Variants in TMPRSS11B observed in about 807,000 individuals in gnomAD.
The protein encoded by TMPRSS11B is transmembrane protease serine 11B.
Under a neutral mutation model 44.7 loss-of-function variants are expected in TMPRSS11B, and 53 were observed. The observed-to-expected ratio is 1.19, with a 90% CI of 0.95 to 1.49. The LOEUF is 1.49. Among genes scored for constraint, TMPRSS11B ranks in the 40% most tolerant of loss-of-function variants. The probability of loss-of-function intolerance (pLI) is 0.00; values close to 1 mark genes in which losing one functional copy is unlikely to be tolerated. For missense variants in TMPRSS11B, 526 were observed against 494.8 expected, an observed-to-expected ratio of 1.06 and a Z score of -0.60; for synonymous variants, 140 against 159.2, an observed-to-expected ratio of 0.88 and a Z score of 0.91.
At chr4:68,242,095 G>A (rs1281744928) in intron 1 of TMPRSS11B, among the ~76,000 whole-genome samples, 2 of 144,652 alleles carry the variant, frequency 1.4e-5, no homozygotes, top group Admixed American at 7.5e-5. Context: ...AAAAATTGAA[G>A]CAGGTTACAA....
chr4:68,242,769 G>A (rs1345555635), intron 1 of TMPRSS11B, among the ~76,000 whole-genome samples: 1 of 151,816 alleles, frequency 6.6e-6, no homozygotes, highest in Non-Finnish European at 1.5e-5. Flanking sequence ...GTCTCACCAT[G>A]TTGCCCAGGC....
chr4:68,231,415 T>C (rs761705322), intron 6 of TMPRSS11B, 35 bp from the exon 7 acceptor site: 39 of 1,518,298 alleles, frequency 2.6e-5, no homozygotes, highest in African/African-American at 1.6e-5. Context: ...AGAGCAGGTA[T>C]CTTTGATTAC....
At chr4:68,239,254 GCT>G (rs926030805) in intron 2 of TMPRSS11B, among the ~76,000 whole-genome samples, 4 of 150,026 alleles carry the variant, frequency 2.7e-5, no homozygotes, top group African/African-American at 7.3e-5. Context: ...TCTCTTGCGC[GCT>G]CTCTCTCGCG....
At chr4:68,234,068 G>A (rs1029595045) in intron 5 of TMPRSS11B, among the ~76,000 whole-genome samples, 1 of 151,884 alleles carries the variant, frequency 6.6e-6, no homozygotes, top group African/African-American at 2.4e-5. Flanking sequence ...GGCTGAGGCA[G>A]GAGAACTGCT....
chr4:68,234,340 G>A, intron 5 of TMPRSS11B, 123 bp downstream of exon 5: 5 of 928,148 alleles, frequency 5.4e-6, no homozygotes, highest in Non-Finnish European at 7.9e-6. Context: ...AGGGGTGCCA[G>A]AGTTAGGTAC....
At chr4:68,239,318 A>G (rs369044157) in intron 2 of TMPRSS11B, among the ~76,000 whole-genome samples, 1 of 151,966 alleles carries the variant, frequency 6.6e-6, no homozygotes, top group African/African-American at 2.4e-5. Flanking sequence ...TCTCTTTCTC[A>G]CTCACTCACT....
chr4:68,242,565 T>C (rs546131673), intron 1 of TMPRSS11B, among the ~76,000 whole-genome samples: 14 of 147,488 alleles, frequency 9.5e-5, no homozygotes, highest in South Asian at 8.4e-4. Flanking sequence ...TTAATTTTCT[T>C]TCTTTCTTTC....
rs1407080858 is a variant in TMPRSS11B at position 68,227,453 on chromosome 4, C to G, written c.*458G>C. The G allele has an allele frequency of 7.4e-6, 1 of 134,668 alleles. No individual in the cohort carries two copies. Among genetic ancestry groups the G allele is most frequent in the Non-Finnish European group, 1.5e-5 (1 of 65,690 alleles). The allele number at this position is 134,668 out of a possible 1,614,324, so 8.3% of individuals were successfully genotyped here. ...ACAGGGTCTCACTCTGTTGCCCAGG[C>G]TGGAGTGCAGTGGTGGCGCAATCAC... On this transcript the variant is annotated 3_prime_UTR_variant, in exon 10 of 10. Transcript: ENST00000332644.
intron 4 of TMPRSS11B, 45 bp downstream of exon 4, chr4:68,235,957 T>G (rs1195554322): frequency 8.4e-7 from 1 of 1,184,374 alleles, no homozygotes; most frequent in South Asian, 1.6e-5. Context: ...GTATGATATA[T>G]CACCTACTTT....
At chr4:68,242,797 G>A (rs1271880639) in intron 1 of TMPRSS11B, among the ~76,000 whole-genome samples, 3 of 151,968 alleles carry the variant, frequency 2.0e-5, no homozygotes, top group Non-Finnish European at 4.4e-5. Flanking sequence ...AAACTCCTGA[G>A]CTCAAGCGAT....
chr4:68,241,323 T>G (rs1719815672), intron 2 of TMPRSS11B, among the ~76,000 whole-genome samples: 1 of 152,096 alleles, frequency 6.6e-6, no homozygotes, highest in Non-Finnish European at 1.5e-5. Context: ...CATCATATCT[T>G]AATAACCAAT....
At chr4:68,237,783 A>C (rs1244980001) in intron 2 of TMPRSS11B, among the ~76,000 whole-genome samples, 2 of 152,206 alleles carry the variant, frequency 1.3e-5, no homozygotes, top group African/African-American at 4.8e-5. Context: ...TTTGAAGTCA[A>C]GTTGGGAGGA....
In TMPRSS11B at chr4:68,231,344, C is replaced by A; in HGVS notation, c.545G>T (p.Gly182Val). 4 of 1,613,860 alleles carry A rather than the reference C, an allele frequency of 2.5e-6. No individual in the cohort carries two copies. The highest frequency in any genetic ancestry group is 3.4e-6 in the Non-Finnish European group (4 of 1,179,862). Reference protein sequence around the residue: ...GRQVANSIITGNKIVNGKSSL... With the variant: ...GRQVANSIITVNKIVNGKSSL... ...GCTTTTTCCATTCACAATTTTGTTG[C>A]CAGTTATGATACTGTTGGCTACTTG... is the stretch of plus-strand genomic sequence containing the variant. The change falls in exon 7 of 10, where the codon GGC (glycine) becomes GTC (valine). Residue 182 changes from glycine (G) to valine (V), a missense_variant. By Grantham distance (109) the Gly-to-Val change is moderately radical. Transcript: ENST00000332644.
chr4:68,236,681 A>G (rs552984013), intron 2 of TMPRSS11B, among the ~76,000 whole-genome samples: 3 of 152,332 alleles, frequency 2.0e-5, no homozygotes, highest in South Asian at 4.1e-4. Context: ...ACAGTCACTA[A>G]CAATCCACCT....
intron 4 of TMPRSS11B, among the ~76,000 whole-genome samples, chr4:68,234,855 A>T (rs1719619311): frequency 1.3e-5 from 2 of 152,260 alleles, no homozygotes; most frequent in African/African-American, 4.8e-5. Flanking sequence ...AACTAAAATC[A>T]GAATATTTCA....
intron 3 of TMPRSS11B, 33 bp from the exon 4 acceptor site, chr4:68,236,102 G>T (rs772070667): frequency 1.9e-6 from 3 of 1,568,452 alleles, no homozygotes; most frequent in South Asian, 1.2e-5. Flanking sequence ...CATCATGTAT[G>T]TTTCAATCAA....
chr4:68,232,061 T>G (rs1719530706), intron 6 of TMPRSS11B: 1 of 176,734 alleles, frequency 5.7e-6, no homozygotes, highest in East Asian at 1.5e-4. Context: ...TGGTTTTATA[T>G]TTTCTTCTTA....
intron 8 of TMPRSS11B, among the ~76,000 whole-genome samples, 165 bp from the exon 9 acceptor site, chr4:68,229,049 T>C (rs1719433421): frequency 1.3e-5 from 2 of 152,154 alleles, no homozygotes; most frequent in Admixed American, 6.5e-5. Flanking sequence ...GCCTAACACA[T>C]AATTTCAATT....
At chr4:68,242,656 GC>G (rs1360420073) in intron 1 of TMPRSS11B, among the ~76,000 whole-genome samples, 1 of 150,158 alleles carries the variant, frequency 6.7e-6, no homozygotes, top group Non-Finnish European at 1.5e-5. Context: ...TGTAACCTCT[GC>G]CCCACTGGGC....
Sources: gnomAD v4.1 joint callset for allele counts (sites outside exome capture counted in the v4.1 genomes callset) on GRCh38, gnomAD v4.1.1 for gene constraint, MANE v1.5 for transcripts, NCBI Gene and HGNC (gene_info 2026-07-23, HGNC 2026-07-21) for gene names.